PPP2R1B: variants seen among roughly 807,000 people sequenced by gnomAD.
The protein encoded by PPP2R1B is protein phosphatase 2 scaffold subunit Abeta, also known as serine/threonine-protein phosphatase 2A 65 kDa regulatory subunit A beta isoform.
Under a neutral mutation model 72.7 loss-of-function variants are expected in PPP2R1B, and 58 were observed. That is an observed-to-expected ratio of 0.80 (90% confidence interval 0.65 to 0.99). PPP2R1B has a LOEUF of 0.99. PPP2R1B is among the 50% of genes least tolerant of loss of function. The pLI is 0.00. For synonymous variants in PPP2R1B, 256 were observed against 264.6 expected, an observed-to-expected ratio of 0.97 and a Z score of 0.32; for missense variants, 695 against 733.6, an observed-to-expected ratio of 0.95 and a Z score of 0.61.
the PPP2R1B span, among the ~76,000 whole-genome samples, chr11:111,699,727 A>G: frequency 3.1e-4 from 47 of 152,324 alleles, no homozygotes; most frequent in East Asian, 8.7e-3. Context: ...GTCTCAAGGT[A>G]TGAATGGAGT....
At chr11:111,720,455 ATC>A in the PPP2R1B span, 1 of 1,572,274 alleles carries the variant, frequency 6.4e-7, no homozygotes, top group African/African-American at 1.4e-5. Context: ...TGTTGGTTTT[ATC>A]TGTTCTGTTT....
the PPP2R1B span, among the ~76,000 whole-genome samples, chr11:111,704,045 A>G: frequency 6.6e-6 from 1 of 152,238 alleles, no homozygotes; most frequent in Non-Finnish European, 1.5e-5. Context: ...TTCAGGAAGA[A>G]ACATAACAAG....
chr11:111,705,149 C>T, the PPP2R1B span: 2 of 1,550,766 alleles, frequency 1.3e-6, no homozygotes, highest in East Asian at 2.4e-5. The surrounding 1 kb of genome is among the most constrained non-coding windows in gnomAD (Gnocchi z 4.3). Context: ...GGTAATGCCC[C>T]CTTAGCTGAG....
At chr11:111,728,033 T>C (rs1416834877) in intron 15 of PPP2R1B, 1 of 152,200 alleles carries the variant, frequency 6.6e-6, no homozygotes, top group Non-Finnish European at 1.5e-5. Context: ...CGACCTCCTA[T>C]AGAGACAATA....
the PPP2R1B span, among the ~76,000 whole-genome samples, chr11:111,690,611 C>G: frequency 6.6e-6 from 1 of 151,250 alleles, no homozygotes; most frequent in Non-Finnish European, 1.5e-5. Flanking sequence ...CCCTCCCCGC[C>G]TCCCCTCACC....
the PPP2R1B span, among the ~76,000 whole-genome samples, chr11:111,690,881 C>T: frequency 6.6e-6 from 1 of 152,042 alleles, no homozygotes; most frequent in African/African-American, 2.4e-5. Flanking sequence ...TGGGTTGGTT[C>T]CAAGTCTTTG....
chr11:111,705,234 C>CGAGA, the PPP2R1B span: 1 of 1,260,914 alleles, frequency 7.9e-7, no homozygotes, highest in South Asian at 2.5e-5. The surrounding 1 kb of genome is among the most constrained non-coding windows in gnomAD (Gnocchi z 4.3). Flanking sequence ...GGATTTCATC[C>CGAGA]TCTACACTCC....
At chr11:111,706,908 C>T in the PPP2R1B span, among the ~76,000 whole-genome samples, 9 of 146,850 alleles carry the variant, frequency 6.1e-5, no homozygotes, top group African/African-American at 2.3e-4. Flanking sequence ...TGAAGTGAGC[C>T]GAGATCCCGC....
At chr11:111,702,130 A>AAGGC in the PPP2R1B span, among the ~76,000 whole-genome samples, 1 of 152,200 alleles carries the variant, frequency 6.6e-6, no homozygotes, top group Non-Finnish European at 1.5e-5. Context: ...ATGGACTGTG[A>AAGGC]AGGCAGACTA....
At chr11:111,754,241 T>C (rs1306918348) in intron 8 of PPP2R1B, among the ~76,000 whole-genome samples, 1 of 152,202 alleles carries the variant, frequency 6.6e-6, no homozygotes, top group African/African-American at 2.4e-5. Context: ...GACAGCACTA[T>C]TTCAATACTG....
downstream of PPP2R1B, among the ~76,000 whole-genome samples, chr11:111,734,156 G>A (rs1944275173): frequency 6.6e-6 from 1 of 152,192 alleles, no homozygotes. Flanking sequence ...CCCCTGGAGG[G>A]CTGTCACAGA....
At chr11:111,700,956 A>C in the PPP2R1B span, 1 of 1,614,094 alleles carries the variant, frequency 6.2e-7, no homozygotes, top group Non-Finnish European at 8.5e-7. Context: ...CCCCTTATGC[A>C]GCCCCAGAAG....
At chr11:111,723,405 G>A, downstream of PPP2R1B, 1 of 1,361,602 alleles carries the variant, frequency 7.3e-7, no homozygotes. Context: ...TTAAGTAGAA[G>A]ACTGAAGCTA....
At position 111,743,519 on chromosome 11, in the gene PPP2R1B, G is replaced by C; in HGVS notation, c.1411C>G (p.Arg471Gly). 6.2e-7 allele frequency: 1 copy of C among 1,613,408 alleles called. No individual in the cohort carries two copies. Among genetic ancestry groups the C allele is most frequent in the Non-Finnish European group, 8.5e-7 (1 of 1,179,832 alleles). Residue 471 changes from arginine (R) to glycine (G), a missense_variant, in exon 12 of 15, where the codon CGA becomes GGA. Arg to Gly is a moderately radical substitution (Grantham distance 125, BLOSUM62 -2). Transcript: ENST00000527614. ...ATGAGGTTGTTGGTGGCAGCTTCTC[G>C]GATGGCGTATACTGCAGAAGAGGTC... ...AWLVDHVYAI[R>G]EAATNNLMKL...
Position 111,754,469 on chromosome 11 carries a change from G to T in PPP2R1B, c.1029+30C>A, listed in dbSNP as rs1555048909. 7 of 1,583,830 alleles carry T rather than the reference G, an allele frequency of 4.4e-6. No homozygotes were observed. The Admixed American group carries it at 6.0e-5, about 14-fold the overall frequency. ...GATTAAGGTTTACCTTCATATAAAA[G>T]AGAGTGAAACAAAATAAAGTCAGGT... On this transcript the variant is annotated intron_variant, in intron 8 of 14. Coordinates refer to ENST00000527614, the MANE Select transcript of PPP2R1B (RefSeq NM_002716.5).
intron 15 of PPP2R1B, chr11:111,728,794 G>T (rs1009958372): frequency 6.6e-6 from 1 of 152,068 alleles, no homozygotes; most frequent in African/African-American, 2.4e-5. Context: ...CGTGGTGGTG[G>T]GCGCCTGTAG....
the PPP2R1B span, among the ~76,000 whole-genome samples, chr11:111,714,049 T>C: frequency 6.6e-6 from 1 of 152,142 alleles, no homozygotes; most frequent in Non-Finnish European, 1.5e-5. Flanking sequence ...TTTAGCTGTT[T>C]GATCAGGAAA....
At chr11:111,753,650 A>G (rs1164737178) in intron 8 of PPP2R1B, 73 bp from the exon 9 acceptor site, 2 of 1,480,404 alleles carry the variant, frequency 1.4e-6, no homozygotes, top group African/African-American at 2.8e-5. Flanking sequence ...TCTGGGAAAC[A>G]GAGTCTTGCT....
the PPP2R1B span, among the ~76,000 whole-genome samples, chr11:111,716,447 C>T: frequency 2.6e-5 from 4 of 151,932 alleles, no homozygotes; most frequent in African/African-American, 2.4e-5. Flanking sequence ...CATGGTGGTG[C>T]GTGCCTGTAA....
Sources: gnomAD v4.1 joint callset for allele counts (sites outside exome capture counted in the v4.1 genomes callset) on GRCh38, gnomAD v4.1.1 for gene constraint, Gnocchi (gnomAD v3.1) non-coding constraint, MANE v1.5 for transcripts, NCBI Gene and HGNC (gene_info 2026-07-23, HGNC 2026-07-21) for gene names.